Variants in GASK1B observed in about 807,000 individuals in gnomAD.
The protein encoded by GASK1B is Golgi-associated kinase 1B.
Under a neutral mutation model 42.8 loss-of-function variants are expected in GASK1B, and 34 were observed. The observed-to-expected ratio is 0.79, with a 90% CI of 0.60 to 1.06. GASK1B has a LOEUF of 1.06. Ranked by LOEUF, GASK1B falls within the 50% of genes least tolerant of loss-of-function variation. GASK1B has a pLI of 0.00. For missense variants in GASK1B, 686 were observed against 661.0 expected, an observed-to-expected ratio of 1.04 and a Z score of -0.42; for synonymous variants, 262 against 259.1, an observed-to-expected ratio of 1.01 and a Z score of -0.11.
At position 158,171,407 on chromosome 4, in the gene GASK1B, T is replaced by G. The variant is rs1416925797; in HGVS notation, c.-32A>C. 3.3e-6 allele frequency: 5 copies of G among 1,521,600 alleles called. No individual in the cohort carries two copies. Among genetic ancestry groups the G allele is most frequent in the Non-Finnish European group, 4.4e-6 (5 of 1,133,252 alleles). 94.3% of individuals were successfully genotyped at this position (1,521,600 alleles called of 1,614,324 possible). A position where few individuals can be genotyped will look rare whatever the true frequency, so the allele number is the denominator to read the frequency against. ...GCCGCATCCACATGTTGAACGGAGT[T>G]TAAAGTCTGCAGTTGGCTCCTGCTA... On this transcript the variant is annotated 5_prime_UTR_variant, in exon 2 of 5. Transcript: ENST00000585682.
At chr4:158,134,236 T>C (rs1730796405) in intron 3 of GASK1B, among the ~76,000 whole-genome samples, 1 of 152,270 alleles carries the variant, frequency 6.6e-6, no homozygotes, top group Non-Finnish European at 1.5e-5. Flanking sequence ...AGCATATTTA[T>C]GCTTACTTTT....
Position 158,170,941 on chromosome 4 carries a change from C to T in GASK1B, c.435G>A (p.Leu145=). The T allele has an allele frequency of 1.2e-6, 2 of 1,614,230 alleles. No homozygotes were observed. The highest frequency in any genetic ancestry group is 2.2e-5 in the East Asian group (1 of 44,868). The change falls in exon 2 of 5, where the codon TTG becomes TTA. Residue 145 remains leucine, a synonymous_variant. Coordinates refer to ENST00000585682, the MANE Select transcript of GASK1B (RefSeq NM_001128424.2). The part of the protein sequence containing the change: ...VASAAPGQEA[L]VGPSLQPQEA... Reference sequence around the variant, plus strand: ...CCTGCGGCTGAAGGGATGGTCCGACCAAAGCCTCCTGCCCTGGGGCAGCCG... The same window carrying T: ...CCTGCGGCTGAAGGGATGGTCCGACTAAAGCCTCCTGCCCTGGGGCAGCCG...
At chr4:158,130,067 C>T (rs967406365) in intron 4 of GASK1B, among the ~76,000 whole-genome samples, 12 of 152,230 alleles carry the variant, frequency 7.9e-5, no homozygotes, top group African/African-American at 2.7e-4. Context: ...TCCCTCTCCA[C>T]TCAGCATTCT....
chr4:158,146,596 CAG>C (rs1352731176), intron 3 of GASK1B, among the ~76,000 whole-genome samples: 1 of 152,104 alleles, frequency 6.6e-6, no homozygotes, highest in Non-Finnish European at 1.5e-5. Flanking sequence ...GACACCAATG[CAG>C]AGAGAGGTTC....
intron 3 of GASK1B, among the ~76,000 whole-genome samples, chr4:158,143,199 A>C (rs542561281): frequency 1.3e-5 from 2 of 152,308 alleles, no homozygotes; most frequent in South Asian, 4.1e-4. Context: ...GTGGATGTGG[A>C]AAGTAGACAG....
intron 3 of GASK1B, among the ~76,000 whole-genome samples, chr4:158,152,840 G>A (rs1010037399): frequency 2.6e-5 from 4 of 152,106 alleles, no homozygotes; most frequent in African/African-American, 9.7e-5. Flanking sequence ...TGGCATAGAA[G>A]GGACGTACCT....
chr4:158,166,762 G>C (rs1188443459), intron 2 of GASK1B, among the ~76,000 whole-genome samples: 2 of 152,082 alleles, frequency 1.3e-5, no homozygotes, highest in Non-Finnish European at 1.5e-5. Flanking sequence ...CTGTGCATCA[G>C]TGTATAAGTC....
At chr4:158,151,073 A>G (rs891991716) in intron 3 of GASK1B, among the ~76,000 whole-genome samples, 1 of 152,236 alleles carries the variant, frequency 6.6e-6, no homozygotes, top group Admixed American at 6.5e-5. Context: ...TTTCCACAAG[A>G]TACTAGTTAA....
chr4:158,158,779 T>C (rs1488053083), intron 2 of GASK1B, among the ~76,000 whole-genome samples: 1 of 152,142 alleles, frequency 6.6e-6, no homozygotes, highest in Non-Finnish European at 1.5e-5. Flanking sequence ...AACATTTTAT[T>C]GTGTATGGTG....
chr4:158,142,773 G>A (rs10008208), intron 3 of GASK1B, among the ~76,000 whole-genome samples: 118,117 of 152,012 alleles, frequency 0.78, 47,087 homozygotes, highest in East Asian at 0.95. Context: ...CATCAATTCA[G>A]CACCAATCTA....
At chr4:158,142,064 C>G (rs1731155355) in intron 3 of GASK1B, among the ~76,000 whole-genome samples, 1 of 149,078 alleles carries the variant, frequency 6.7e-6, no homozygotes, top group Non-Finnish European at 1.5e-5. Flanking sequence ...CCTGCCTCAG[C>G]CTCCCGAGTA....
chr4:158,160,055 C>T (rs958878648), intron 2 of GASK1B, among the ~76,000 whole-genome samples: 1 of 152,064 alleles, frequency 6.6e-6, no homozygotes, highest in Non-Finnish European at 1.5e-5. Context: ...GGGCCATGTT[C>T]CAAGACTCCT....
intron 3 of GASK1B, among the ~76,000 whole-genome samples, chr4:158,146,708 A>C (rs1263695813): frequency 6.6e-6 from 1 of 152,174 alleles, no homozygotes; most frequent in East Asian, 1.9e-4. Flanking sequence ...ACAGTGACAC[A>C]ATACAGTGTC....
At chr4:158,167,396 A>G (rs994623251) in intron 2 of GASK1B, among the ~76,000 whole-genome samples, 4 of 152,214 alleles carry the variant, frequency 2.6e-5, no homozygotes, top group Non-Finnish European at 2.9e-5. Context: ...GAGGCTACCA[A>G]AAACATTTTT....
chr4:158,171,397 T>G lies in GASK1B; in HGVS notation c.-22A>C. 1 of 1,535,100 alleles carries G rather than the reference T, an allele frequency of 6.5e-7. No individual in the cohort carries two copies. Among genetic ancestry groups the G allele is most frequent in the Non-Finnish European group, 8.8e-7 (1 of 1,138,604 alleles). On this transcript the variant is annotated 5_prime_UTR_variant, in exon 2 of 5. Transcript: ENST00000585682. ...TCATTTCTCTGCCGCATCCACATGTTGAACGGAGTTTAAAGTCTGCAGTTG... is the reference window on the plus strand; with the variant it reads ...TCATTTCTCTGCCGCATCCACATGTGGAACGGAGTTTAAAGTCTGCAGTTG...
intron 2 of GASK1B, chr4:158,169,090 C>A (rs982406883): frequency 6.6e-6 from 1 of 152,156 alleles, no homozygotes. Flanking sequence ...CTCAATAAGC[C>A]TCAATTTTCT....
chr4:158,146,623 G>A (rs1273775583), intron 3 of GASK1B, among the ~76,000 whole-genome samples: 1 of 152,134 alleles, frequency 6.6e-6, no homozygotes, highest in Non-Finnish European at 1.5e-5. Flanking sequence ...AACTTCTTCA[G>A]GTTAAATCAG....
intron 4 of GASK1B, among the ~76,000 whole-genome samples, chr4:158,129,409 T>A (rs941616107): frequency 8.5e-5 from 13 of 152,134 alleles, no homozygotes; most frequent in African/African-American, 3.1e-4. Flanking sequence ...TAACCTGCCT[T>A]CAATCCACAA....
chr4:158,162,300 T>C (rs924160908), intron 2 of GASK1B, among the ~76,000 whole-genome samples: 1 of 152,162 alleles, frequency 6.6e-6, no homozygotes, highest in East Asian at 1.9e-4. Context: ...TGCTTCACTG[T>C]CTCCTGTCTT....
Sources: gnomAD v4.1 joint callset for allele counts (sites outside exome capture counted in the v4.1 genomes callset) on GRCh38, gnomAD v4.1.1 for gene constraint, MANE v1.5 for transcripts, NCBI Gene and HGNC (gene_info 2026-07-23, HGNC 2026-07-21) for gene names.